PLD5: variants seen among roughly 807,000 people sequenced by gnomAD.
PLD5 encodes the protein inactive phospholipase D5.
A neutral mutation model predicts 61.1 loss-of-function variants in PLD5; 36 were observed. The ratio of observed to expected loss-of-function variants is 0.59; its 90% CI spans 0.45 to 0.78. The LOEUF (loss-of-function observed/expected upper bound fraction) is 0.78, where lower values mean the gene tolerates loss of function less well. PLD5 is among the 30% of genes least tolerant of loss of function. PLD5 has a pLI of 0.00. For missense variants in PLD5, 515 were observed against 644.4 expected (o/e 0.80, Z 2.17); for synonymous variants, 243 against 242.8 (o/e 1.00, Z -0.01).
At chr1:242,492,338 C>A (rs1352793162) in intron 1 of PLD5, among the ~76,000 whole-genome samples, 1 of 151,572 alleles carries the variant, frequency 6.6e-6, no homozygotes, top group Non-Finnish European at 1.5e-5. Flanking sequence ...ATAGTGAAAC[C>A]CTGTCTCTAC....
chr1:242,369,314 T>C (rs938165350), intron 1 of PLD5, among the ~76,000 whole-genome samples: 2 of 152,230 alleles, frequency 1.3e-5, no homozygotes, highest in East Asian at 1.9e-4. Flanking sequence ...CTTGCTTACA[T>C]GGCAATTTGG....
intron 5 of PLD5, among the ~76,000 whole-genome samples, chr1:242,136,204 A>G (rs913130442): frequency 6.6e-6 from 1 of 152,196 alleles, no homozygotes; most frequent in African/African-American, 2.4e-5. Flanking sequence ...ATGAGTAACT[A>G]ACTGATAGTT....
chr1:242,366,818 G>A (rs917128797), intron 1 of PLD5, among the ~76,000 whole-genome samples: 6 of 151,892 alleles, frequency 4.0e-5, no homozygotes, highest in Non-Finnish European at 5.9e-5. Context: ...TGTCAAATGA[G>A]TGATGAATAA....
intron 1 of PLD5, among the ~76,000 whole-genome samples, chr1:242,381,455 T>C (rs1327481968): frequency 6.6e-6 from 1 of 152,104 alleles, no homozygotes; most frequent in Non-Finnish European, 1.5e-5. Flanking sequence ...GCTTAATACC[T>C]AGGTGATGGT....
At chr1:242,165,451 G>GAAAA (rs1558294772) in intron 5 of PLD5, among the ~76,000 whole-genome samples, 3 of 70,906 alleles carry the variant, frequency 4.2e-5, no homozygotes, top group African/African-American at 1.4e-4. Flanking sequence ...GGCTTTAAAG[G>GAAAA]GAAAAAAAAA....
At chr1:242,394,864 A>G (rs1307205606) in intron 1 of PLD5, among the ~76,000 whole-genome samples, 2 of 121,430 alleles carry the variant, frequency 1.6e-5, no homozygotes, top group East Asian at 2.2e-4. Context: ...ATATATGTAT[A>G]TATGAATATA....
intron 7 of PLD5, among the ~76,000 whole-genome samples, chr1:242,110,564 C>T (rs556987026): frequency 2.6e-5 from 4 of 152,266 alleles, no homozygotes; most frequent in African/African-American, 9.6e-5. Flanking sequence ...AATCCTAGTA[C>T]TTTGGGAGGC....
At chr1:242,354,584 G>C (rs1660654281) in intron 1 of PLD5, among the ~76,000 whole-genome samples, 1 of 152,080 alleles carries the variant, frequency 6.6e-6, no homozygotes, top group Non-Finnish European at 1.5e-5. Flanking sequence ...GCAAACAACA[G>C]TTTCACTTCT....
rs191578947 is a variant in PLD5, at chr1:242,326,475, T to C, written c.326+21631A>G. On this transcript the variant is annotated intron_variant, in intron 2 of 9. Transcript: ENST00000536534. ...GATAAGTTAACTGACTTCTTTAGTC[T>C]AATCAAAATGAGAGAAGATATCATT... Among the ~76,000 whole-genome samples the C allele has an allele frequency of 3.2e-3, 492 of 152,226 alleles. 6 individuals carry two copies. The highest frequency in any genetic ancestry group is 1.2e-3 in the Non-Finnish European group (82 of 68,024).
At chr1:242,498,457 AT>A (rs1287516839) in intron 1 of PLD5, among the ~76,000 whole-genome samples, 1 of 152,254 alleles carries the variant, frequency 6.6e-6, no homozygotes, top group Admixed American at 6.5e-5. Flanking sequence ...CATACAGGTT[AT>A]AGAAAATGTA....
intron 1 of PLD5, among the ~76,000 whole-genome samples, chr1:242,517,981 C>A (rs528458135): frequency 6.6e-5 from 10 of 152,040 alleles, no homozygotes; most frequent in Non-Finnish European, 1.5e-4. Flanking sequence ...CTGGCAGGAG[C>A]ACAGTAATAG....
chr1:242,341,148 T>C (rs928276120), intron 2 of PLD5, among the ~76,000 whole-genome samples: 6 of 151,724 alleles, frequency 4.0e-5, no homozygotes, highest in African/African-American at 1.2e-4. Flanking sequence ...CCTGCAATAG[T>C]GTCAAAAAGT....
rs903451526 is a variant in PLD5 at position 242,089,938 on chromosome 1, G to T, written c.1527C>A (p.Asn509Lys). 1.2e-5 allele frequency: 20 copies of T among 1,614,086 alleles called. No individual in the cohort carries two copies. The highest frequency in any genetic ancestry group is 1.7e-5 in the Non-Finnish European group (20 of 1,180,052). The change falls in exon 10 of 10, where the codon AAC becomes AAA. Residue 509 changes from asparagine (N) to lysine (K), a missense_variant. Coordinates refer to ENST00000536534, the MANE Select transcript of PLD5 (RefSeq NM_001372062.1). ...GTTTGAGTTTGAACAGGCTTGAGCA[G>T]TTCGGCTGTTTGGTTGGCTGTAAGG... ...AKTLQPTKQP[N>K]CSSLFKLKPL... is the part of the protein sequence containing the mutation.
In PLD5 at chr1:242,183,186, A is replaced by G. The variant is rs1032291500; in HGVS notation, c.735+36802T>C. Among the ~76,000 whole-genome samples, 35 of 152,224 alleles carry G rather than the reference A, an allele frequency of 2.3e-4. 1 individual carries two copies. The highest frequency in any genetic ancestry group is 8.4e-4 in the African/African-American group (35 of 41,458). On this transcript the variant is annotated intron_variant, in intron 5 of 9. Coordinates refer to ENST00000536534, the MANE Select transcript of PLD5 (RefSeq NM_001372062.1). ...CAGACCCACCAGTTCTAGAGCAAAT[A>G]TATATCTTTTAAAATTTTAATAAGT...
intron 1 of PLD5, among the ~76,000 whole-genome samples, chr1:242,497,419 C>T (rs1356873098): frequency 6.6e-6 from 1 of 152,056 alleles, no homozygotes; most frequent in African/African-American, 2.4e-5. Context: ...ATGCACCTGC[C>T]CAAAAAGATC....
At chr1:242,181,399 C>A (rs1667507514) in intron 5 of PLD5, among the ~76,000 whole-genome samples, 1 of 152,040 alleles carries the variant, frequency 6.6e-6, no homozygotes, top group Non-Finnish European at 1.5e-5. Context: ...ATTTAGGAGA[C>A]TTAGTATCAA....
Position 242,288,548 on chromosome 1 carries a change from A to G in PLD5, c.327-18T>C. On this transcript the variant is annotated intron_variant, in intron 2 of 9. Transcript: ENST00000536534. Reference sequence around the variant, plus strand: ...GGGCAATTCTTAGAAAAGATTTTGAAAAACAAACAAACAAAATCTAGTCAA... The same window carrying G: ...GGGCAATTCTTAGAAAAGATTTTGAGAAACAAACAAACAAAATCTAGTCAA... 1 of 1,592,888 alleles carries G rather than the reference A, an allele frequency of 6.3e-7. No homozygotes were observed. Among genetic ancestry groups the G allele is most frequent in the South Asian group, 1.1e-5 (1 of 87,528 alleles).
chr1:242,122,939 G>T (rs1361018669), intron 6 of PLD5, among the ~76,000 whole-genome samples: 3 of 152,172 alleles, frequency 2.0e-5, no homozygotes, highest in Admixed American at 6.5e-5. Context: ...ATCAACCAAG[G>T]TTGAAATAGC....
At chr1:242,158,190 C>T (rs749290852) in intron 5 of PLD5, among the ~76,000 whole-genome samples, 10 of 152,176 alleles carry the variant, frequency 6.6e-5, no homozygotes, top group Admixed American at 1.3e-4. Flanking sequence ...TGGATCTGAG[C>T]CTCCTGGTAT....
Sources: gnomAD v4.1 joint callset for allele counts (sites outside exome capture counted in the v4.1 genomes callset) on GRCh38, gnomAD v4.1.1 for gene constraint, MANE v1.5 for transcripts, NCBI Gene and HGNC (gene_info 2026-07-23, HGNC 2026-07-21) for gene names.